Variants in DSCAM observed in about 807,000 individuals in gnomAD.
The protein encoded by DSCAM is DS cell adhesion molecule, also known as cell adhesion molecule DSCAM.
A neutral mutation model predicts 217.7 loss-of-function variants in DSCAM; 47 were observed. The ratio of observed to expected loss-of-function variants is 0.22; its 90% confidence interval spans 0.17 to 0.28. The LOEUF is 0.28. Ranked by LOEUF, DSCAM falls within the 10% of genes least tolerant of loss-of-function variation. The probability of loss-of-function intolerance (pLI) is 1.00; values close to 1 mark genes in which losing one functional copy is unlikely to be tolerated. For synonymous variants in DSCAM, 1,056 were observed against 1,015.3 expected (o/e 1.04, Z -0.76); for missense variants, 2,080 against 2,618.3 (o/e 0.79, Z 4.49).
chr21:40,394,024 A>C (rs2075156982), intron 3 of DSCAM, among the ~76,000 whole-genome samples: 1 of 152,202 alleles, frequency 6.6e-6, no homozygotes, highest in Admixed American at 6.5e-5. Context: ...CAGTTCTCTC[A>C]AGGAAAGTTT....
chr21:40,800,349 G>T (rs1337044396), intron 1 of DSCAM, among the ~76,000 whole-genome samples: 3 of 152,186 alleles, frequency 2.0e-5, no homozygotes. Context: ...TGTGGAAGTG[G>T]CTTTGGAACT....
Position 40,675,827 on chromosome 21 carries a change from G to A in DSCAM, c.508+16983C>T, listed in dbSNP as rs540245442. On this transcript the variant is annotated intron_variant, in intron 3 of 32. Transcript: ENST00000400454. ...GTTTACAATGTTTGTCCCTCGTGCC[G>A]CCTCCTCAATTTAACTAACCCTTCA... is the stretch of plus-strand genomic sequence containing the variant. Among the ~76,000 whole-genome samples the A allele has an allele frequency of 5.3e-5, 8 of 152,198 alleles. No individual in the cohort carries two copies. In the East Asian group the frequency reaches 7.7e-4, roughly 15 times the overall value.
At chr21:40,411,826 G>C (rs1181415769) in intron 3 of DSCAM, among the ~76,000 whole-genome samples, 1 of 152,092 alleles carries the variant, frequency 6.6e-6, no homozygotes, top group African/African-American at 2.4e-5. Flanking sequence ...CCTTAGACTA[G>C]TTTCTCATAA....
At chr21:40,408,686 A>G (rs2075298673) in intron 3 of DSCAM, among the ~76,000 whole-genome samples, 1 of 151,922 alleles carries the variant, frequency 6.6e-6, no homozygotes, top group South Asian at 2.1e-4. Flanking sequence ...TGTGCCCTCC[A>G]TTTTCCTTCC....
chr21:40,720,352 T>G (rs1333344854), intron 1 of DSCAM, among the ~76,000 whole-genome samples: 1 of 152,184 alleles, frequency 6.6e-6, no homozygotes, highest in African/African-American at 2.4e-5. Context: ...GGATAAATGC[T>G]TAGAAATTCA....
chr21:40,759,230 C>T (rs1487906924), intron 1 of DSCAM, among the ~76,000 whole-genome samples: 1 of 152,062 alleles, frequency 6.6e-6, no homozygotes, highest in East Asian at 1.9e-4. Context: ...AGTCCCCAGG[C>T]TCTCAGCCTC....
chr21:40,812,330 C>T (rs1451297411), intron 1 of DSCAM, among the ~76,000 whole-genome samples: 1 of 152,176 alleles, frequency 6.6e-6, no homozygotes, highest in South Asian at 2.1e-4. Flanking sequence ...CACCATCACA[C>T]CAGTGTCTGA....
At position 40,042,515 on chromosome 21, in the gene DSCAM, T is replaced by C. The variant is rs1601260620; in HGVS notation, c.5542A>G (p.Thr1848Ala). 2 of 1,614,178 alleles carry C rather than the reference T, an allele frequency of 1.2e-6. No individual in the cohort carries two copies. Among genetic ancestry groups the C allele is most frequent in the East Asian group, 2.2e-5 (1 of 44,868 alleles). The change falls in exon 32 of 33, where the codon ACG (threonine) becomes GCG (alanine). Residue 1848 changes from threonine to alanine, a missense_variant. Thr to Ala is a moderately conservative substitution (Grantham distance 58, BLOSUM62 0). Transcript: ENST00000400454. ...FISDTSSEQL[T>A]AGTNEYTDSL... ...TCCGTGTACTCATTTGTCCCTGCCG[T>C]CAACTGCTCCGATGACGTGTCTGAT...
intron 2 of DSCAM, among the ~76,000 whole-genome samples, chr21:40,704,086 T>G (rs1033529332): frequency 6.6e-6 from 1 of 152,092 alleles, no homozygotes; most frequent in Non-Finnish European, 1.5e-5. Flanking sequence ...TTTCACTCTA[T>G]GTTGTAAGTT....
intron 16 of DSCAM, among the ~76,000 whole-genome samples, chr21:40,152,542 A>G (rs2090434600): frequency 6.6e-6 from 1 of 151,916 alleles, no homozygotes; most frequent in Non-Finnish European, 1.5e-5. Context: ...AGTCCTCCTC[A>G]ACAGCCTCCT....
intron 4 of DSCAM, among the ~76,000 whole-genome samples, chr21:40,364,349 T>TA (rs1252923256): frequency 6.6e-6 from 1 of 152,018 alleles, no homozygotes; most frequent in South Asian, 2.1e-4. Flanking sequence ...TATGCAGCCA[T>TA]AAAAAATGAT....
At chr21:40,204,557 A>G (rs1417462328) in intron 11 of DSCAM, among the ~76,000 whole-genome samples, 2 of 152,198 alleles carry the variant, frequency 1.3e-5, no homozygotes, top group African/African-American at 4.8e-5. Flanking sequence ...GGCCTATTTT[A>G]TAGGTTTGTG....
At chr21:40,457,731 T>C (rs2075775274) in intron 3 of DSCAM, among the ~76,000 whole-genome samples, 1 of 152,190 alleles carries the variant, frequency 6.6e-6, no homozygotes, top group South Asian at 2.1e-4. Flanking sequence ...ATATTTACAA[T>C]GTGAATGTGC....
intron 3 of DSCAM, among the ~76,000 whole-genome samples, chr21:40,567,179 T>C (rs972949124): frequency 2.0e-5 from 3 of 152,152 alleles, no homozygotes; most frequent in South Asian, 2.1e-4. Flanking sequence ...ATTAAAACAA[T>C]TGTCATGGGC....
intron 20 of DSCAM, among the ~76,000 whole-genome samples, chr21:40,121,433 C>T (rs899559225): frequency 2.0e-5 from 3 of 152,084 alleles, no homozygotes. Context: ...GATAGATAGA[C>T]AGGAAGGTGG....
Position 40,025,364 on chromosome 21 carries a change from ATCAGAATGATGCTGGCC to A in DSCAM, c.5687-11995_5687-11979del, listed in dbSNP as rs200191718. On this transcript the variant is annotated intron_variant, in intron 32 of 32. Coordinates refer to ENST00000400454, the MANE Select transcript of DSCAM (RefSeq NM_001389.5). ...GGTTGTGTCTCTGCCTGGCTTTGGT[ATCAGAATGATGCTGGCC>A]TCATAAAATGAGTTAGGGAGGATTC... Among the ~76,000 whole-genome samples, 606 of 144,590 alleles carry A rather than the reference ATCAGAATGATGCTGGCC, an allele frequency of 4.2e-3. 28 individuals carry two copies. The East Asian group carries it at 0.1, about 25-fold the overall frequency. 94.9% of individuals were successfully genotyped at this position (144,590 alleles called of 152,430 possible). A position where few individuals can be genotyped will look rare whatever the true frequency, so the allele number is the denominator to read the frequency against.
chr21:40,353,355 C>T (rs942860994), intron 5 of DSCAM, 110 bp downstream of exon 5: 2 of 1,426,042 alleles, frequency 1.4e-6, no homozygotes, highest in Admixed American at 4.8e-5. Flanking sequence ...CTCAGCTGGA[C>T]TGTTTTGGGA....
chr21:40,835,113 A>G (rs2123660648), intron 1 of DSCAM, among the ~76,000 whole-genome samples: 1 of 152,322 alleles, frequency 6.6e-6, no homozygotes, highest in East Asian at 1.9e-4. Flanking sequence ...TGTTCTAATA[A>G]TAATACTGAG....
At chr21:40,623,047 C>T (rs1222612731) in intron 3 of DSCAM, among the ~76,000 whole-genome samples, 1 of 152,166 alleles carries the variant, frequency 6.6e-6, no homozygotes, top group Non-Finnish European at 1.5e-5. Flanking sequence ...CTGCCGCTAC[C>T]CACAAATTGA....
Sources: gnomAD v4.1 joint callset for allele counts (sites outside exome capture counted in the v4.1 genomes callset) on GRCh38, gnomAD v4.1.1 for gene constraint, MANE v1.5 for transcripts, NCBI Gene and HGNC (gene_info 2026-07-23, HGNC 2026-07-21) for gene names.